Variants in COLEC12 observed in about 807,000 individuals in gnomAD.
The protein encoded by COLEC12 is collectin subfamily member 12.
Under a neutral mutation model 71.1 loss-of-function variants are expected in COLEC12, and 33 were observed. The ratio of observed to expected loss-of-function variants is 0.46; its 90% CI spans 0.35 to 0.62. The LOEUF (loss-of-function observed/expected upper bound fraction) is 0.62. COLEC12 is among the 20% of genes least tolerant of loss of function. COLEC12 has a pLI of 0.00. For missense variants in COLEC12, 765 were observed against 916.1 expected (o/e 0.84, Z 2.13); for synonymous variants, 350 against 353.0 (o/e 0.99, Z 0.10).
In COLEC12 at chr18:480,248, C is replaced by A. The variant is rs2143770843; in HGVS notation, c.58+459G>T. Among the ~76,000 whole-genome samples, 1 of 152,334 alleles carries A rather than the reference C, an allele frequency of 6.6e-6. No homozygotes were observed. Among genetic ancestry groups the A allele is most frequent in the East Asian group, 1.9e-4 (1 of 5,178 alleles). On this transcript the variant is annotated intron_variant, in intron 2 of 9. Transcript: ENST00000400256. This position sits in a 1 kb window ranked among gnomAD's most constrained non-coding sequence, Gnocchi z 4.1. Reference sequence around the variant, plus strand: ...TGCTGTCACCTTTGGGGGCCATTCCCCAGCCTGCCACAGAGCCCCTGTGTC... The same window carrying A: ...TGCTGTCACCTTTGGGGGCCATTCCACAGCCTGCCACAGAGCCCCTGTGTC...
At chr18:390,798 C>G (rs1032365645) in intron 2 of COLEC12, among the ~76,000 whole-genome samples, 1 of 151,756 alleles carries the variant, frequency 6.6e-6, no homozygotes, top group Non-Finnish European at 1.5e-5. Flanking sequence ...GAGGCAACGG[C>G]TCCTTTGGTT....
intron 1 of COLEC12, among the ~76,000 whole-genome samples, chr18:496,301 G>T (rs368479042): frequency 7.2e-5 from 11 of 152,182 alleles, no homozygotes; most frequent in African/African-American, 2.7e-4. Context: ...TGGAACAACC[G>T]TGGGAAATTG....
intron 3 of COLEC12, among the ~76,000 whole-genome samples, chr18:351,993 C>T (rs182698908): frequency 1.6e-4 from 24 of 152,276 alleles, no homozygotes; most frequent in East Asian, 3.9e-4. Context: ...AGCAATCTGC[C>T]GGCTGAGCTA....
intron 1 of COLEC12, among the ~76,000 whole-genome samples, chr18:488,648 G>A (rs541648235): frequency 5.9e-5 from 9 of 151,920 alleles, no homozygotes; most frequent in South Asian, 2.1e-4. Context: ...CAAGGCAGGC[G>A]GATCACCTGA....
intron 2 of COLEC12, among the ~76,000 whole-genome samples, chr18:406,514 T>G (rs1241611691): frequency 3.7e-4 from 5 of 13,426 alleles, no homozygotes; most frequent in African/African-American, 1.8e-3. Context: ...AGACTCCGTC[T>G]CAAAAAAAAA....
rs571283506 is a variant in COLEC12 at position 500,297 on chromosome 18, A to G, written c.7+211T>C. Among the ~76,000 whole-genome samples, 882 of 152,246 alleles carry G rather than the reference A, an allele frequency of 5.8e-3. 6 individuals carry two copies. Among genetic ancestry groups the G allele is most frequent in the Middle Eastern group, 0.01 (3 of 294 alleles). On this transcript the variant is annotated intron_variant, in intron 1 of 9. Coordinates refer to ENST00000400256, the MANE Select transcript of COLEC12 (RefSeq NM_130386.3). The surrounding 1 kb of genome is among the most constrained non-coding windows in gnomAD (Gnocchi z 5.3). Reference sequence around the variant, plus strand: ...GGGGAGGGGAATACTTGCGCGCTTCAAAACCCCAACCTCGAGGTCTCCAGC... The same window carrying G: ...GGGGAGGGGAATACTTGCGCGCTTCGAAACCCCAACCTCGAGGTCTCCAGC...
At chr18:472,162 A>G (rs1478286393) in intron 2 of COLEC12, among the ~76,000 whole-genome samples, 1 of 152,242 alleles carries the variant, frequency 6.6e-6, no homozygotes, top group Non-Finnish European at 1.5e-5. Flanking sequence ...GAGGACGCTC[A>G]GGCACAGAGA....
At chr18:374,857 G>A (rs533477834) in intron 2 of COLEC12, among the ~76,000 whole-genome samples, 1 of 152,308 alleles carries the variant, frequency 6.6e-6, no homozygotes, top group African/African-American at 2.4e-5. Flanking sequence ...CAGTTAAGTA[G>A]CATCATCAAG....
chr18:367,355 C>A (rs979567783), intron 2 of COLEC12, among the ~76,000 whole-genome samples: 1 of 152,028 alleles, frequency 6.6e-6, no homozygotes, highest in Admixed American at 6.5e-5. Context: ...CCTCACATAC[C>A]GATTTGATTT....
intron 2 of COLEC12, among the ~76,000 whole-genome samples, chr18:430,697 A>G (rs1201184332): frequency 6.6e-6 from 1 of 152,178 alleles, no homozygotes; most frequent in Admixed American, 6.5e-5. Flanking sequence ...TTTCACCACA[A>G]TCATCATACA....
intron 2 of COLEC12, among the ~76,000 whole-genome samples, chr18:367,208 G>T (rs139340344): frequency 6.6e-6 from 1 of 152,304 alleles, no homozygotes; most frequent in East Asian, 1.9e-4. Context: ...ATATAATGAC[G>T]AGGGGGAACA....
At chr18:409,637 A>T (rs574837453) in intron 2 of COLEC12, among the ~76,000 whole-genome samples, 2 of 152,370 alleles carry the variant, frequency 1.3e-5, no homozygotes, top group South Asian at 2.1e-4. Context: ...ATTGAAAATC[A>T]GTCTCTTATA....
chr18:359,485 G>A (rs1914697923), intron 2 of COLEC12, among the ~76,000 whole-genome samples: 1 of 152,194 alleles, frequency 6.6e-6, no homozygotes, highest in South Asian at 2.1e-4. Context: ...AATAATGACT[G>A]TAGAACAAAT....
At chr18:477,760 T>C (rs530804343) in intron 2 of COLEC12, among the ~76,000 whole-genome samples, 1 of 152,310 alleles carries the variant, frequency 6.6e-6, no homozygotes, top group East Asian at 1.9e-4. Context: ...CGTTGGCAGG[T>C]GTCCCCCTGC....
At chr18:407,013 C>T (rs573341115) in intron 2 of COLEC12, among the ~76,000 whole-genome samples, 3 of 152,346 alleles carry the variant, frequency 2.0e-5, no homozygotes, top group African/African-American at 7.2e-5. Context: ...GTCCTGTGTT[C>T]CCTGATCTCA....
chr18:346,622 C>T lies in COLEC12; in HGVS notation c.1000G>A (p.Glu334Lys). ...TCCGTCTCAAAGAGCTGGAAGCGTT[C>T]CTCCAGTTGGTTGAACTTGATGGCT... ...RTAIKFNQLE[E>K]RFQLFETDIV... The change falls in exon 5 of 10, where the codon GAA becomes AAA. Residue 334 changes from glutamate to lysine, a missense_variant. Coordinates refer to ENST00000400256, the MANE Select transcript of COLEC12 (RefSeq NM_130386.3). The surrounding 1 kb of genome is among the most constrained non-coding windows in gnomAD (Gnocchi z 4.0). The T allele has an allele frequency of 6.2e-7, 1 of 1,614,220 alleles. No individual in the cohort carries two copies.
chr18:328,189 T>C (rs1386672456), intron 8 of COLEC12, among the ~76,000 whole-genome samples: 1 of 152,186 alleles, frequency 6.6e-6, no homozygotes, highest in African/African-American at 2.4e-5. Context: ...TGGTGAATAA[T>C]TGTTCATAAT....
rs146515222 is a variant in COLEC12, at chr18:346,444, C to T, written c.1178G>A (p.Arg393His). Reference protein sequence around the residue: ...TSLNNTLANIRLDSVSLRMQQ... With the variant: ...TSLNNTLANIHLDSVSLRMQQ... ...CATCCTGAGAGAAACAGAATCCAAA[C>T]GGATGTTGGCCAGGGTATTATTCAA... The change falls in exon 5 of 10, where the codon CGT becomes CAT. Residue 393 changes from arginine to histidine, a missense_variant. By Grantham distance (29) the Arg-to-His change is conservative. Transcript: ENST00000400256. The surrounding 1 kb of genome is among the most constrained non-coding windows in gnomAD (Gnocchi z 4.0). 1.6e-5 allele frequency: 26 copies of T among 1,614,000 alleles called. No homozygotes were observed. Among genetic ancestry groups the T allele is most frequent in the Middle Eastern group, 1.6e-4 (1 of 6,084 alleles).
chr18:369,554 G>A (rs767438627), intron 2 of COLEC12, among the ~76,000 whole-genome samples: 42 of 151,430 alleles, frequency 2.8e-4, no homozygotes, highest in Non-Finnish European at 5.3e-4. Flanking sequence ...ACCCACTAAC[G>A]TGTCATCTAG....
Sources: gnomAD v4.1 joint callset for allele counts (sites outside exome capture counted in the v4.1 genomes callset) on GRCh38, gnomAD v4.1.1 for gene constraint, Gnocchi (gnomAD v3.1) non-coding constraint, MANE v1.5 for transcripts, NCBI Gene and HGNC (gene_info 2026-07-23, HGNC 2026-07-21) for gene names.